The following CRB1 variants were observed in gnomAD, a reference collection of about 807,000 sequenced individuals.
CRB1 encodes crumbs cell polarity complex component 1.
Under a neutral mutation model 120.0 loss-of-function variants are expected in CRB1, and 83 were observed. That is an observed-to-expected ratio of 0.69 (90% CI 0.58 to 0.83). The LOEUF (loss-of-function observed/expected upper bound fraction) is 0.83, where lower values mean the gene tolerates loss of function less well. Ranked by LOEUF, CRB1 falls within the 40% of genes least tolerant of loss-of-function variation. The pLI is 0.00. For synonymous variants in CRB1, 625 were observed against 612.5 expected (o/e 1.02, Z -0.30); for missense variants, 1,699 against 1,687.6 (o/e 1.01, Z -0.12).
At chr1:197,461,651 C>T (rs899027787) in intron 11 of CRB1, among the ~76,000 whole-genome samples, 2 of 152,118 alleles carry the variant, frequency 1.3e-5, no homozygotes, top group Admixed American at 6.6e-5. Context: ...TTACTCATTC[C>T]ATTGATCAGA....
At chr1:197,362,132 T>TC (rs1660801894) in intron 5 of CRB1, among the ~76,000 whole-genome samples, 1 of 152,094 alleles carries the variant, frequency 6.6e-6, no homozygotes, top group Non-Finnish European at 1.5e-5. Context: ...TTGTTTAATT[T>TC]CTGTTTAGAA....
chr1:197,424,838 G>A (rs564853140), intron 6 of CRB1, among the ~76,000 whole-genome samples: 2 of 152,126 alleles, frequency 1.3e-5, no homozygotes, highest in South Asian at 4.1e-4. Flanking sequence ...TTTTTTATCT[G>A]TATGTGTTGT....
intron 11 of CRB1, among the ~76,000 whole-genome samples, chr1:197,445,268 T>G (rs1665648367): frequency 1.3e-5 from 2 of 152,218 alleles, no homozygotes; most frequent in African/African-American, 4.8e-5. Context: ...TTTTCAGATT[T>G]AACATTAAAC....
intron 11 of CRB1, among the ~76,000 whole-genome samples, chr1:197,458,508 A>C (rs1275290617): frequency 1.3e-5 from 2 of 152,082 alleles, no homozygotes; most frequent in African/African-American, 4.8e-5. Flanking sequence ...AGCCACCTTC[A>C]TCTGCAATAA....
chr1:197,304,219 C>A (rs991297993), intron 1 of CRB1, among the ~76,000 whole-genome samples: 18 of 151,926 alleles, frequency 1.2e-4, no homozygotes, highest in Non-Finnish European at 2.9e-5. Flanking sequence ...GCACATCTCT[C>A]AAAAATGGAA....
chr1:197,355,087 G>C (rs1660389917), intron 4 of CRB1, among the ~76,000 whole-genome samples: 1 of 151,502 alleles, frequency 6.6e-6, no homozygotes, highest in African/African-American at 2.4e-5. Flanking sequence ...CACAAACCTT[G>C]AGCTAGACAC....
intron 5 of CRB1, among the ~76,000 whole-genome samples, chr1:197,382,851 A>G (rs541407952): frequency 6.6e-6 from 1 of 152,292 alleles, no homozygotes; most frequent in Admixed American, 6.5e-5. Flanking sequence ...GGAAGGAGAG[A>G]GACAAGAAAG....
the CRB1 span, chr1:197,222,477 C>G: frequency 1.3e-6 from 1 of 768,982 alleles, no homozygotes; most frequent in East Asian, 2.4e-5. Flanking sequence ...GGCTCTACCA[C>G]CAGGCAGTGT....
the CRB1 span, among the ~76,000 whole-genome samples, chr1:197,208,752 C>G: frequency 2.0e-5 from 3 of 152,312 alleles, no homozygotes; most frequent in South Asian, 6.2e-4. Context: ...AGGATACAAA[C>G]TTGCCCTAGG....
In CRB1 at chr1:197,405,556, A is replaced by G. The variant is rs1273724112; in HGVS notation, c.1172-15444A>G. 3.6e-5 allele frequency among the ~76,000 whole-genome samples: 5 copies of G among 140,114 alleles called. No individual in the cohort carries two copies. In the East Asian group the frequency reaches 6.5e-4, roughly 18 times the overall value. 91.9% of individuals were successfully genotyped at this position (140,114 alleles called of 152,430 possible). On this transcript the variant is annotated intron_variant, in intron 5 of 11. Coordinates refer to ENST00000367400, the MANE Select transcript of CRB1 (RefSeq NM_201253.3). The stretch of plus-strand genomic sequence containing the variant: ...CCGCCCATCGTCTGGGACGTGAGGA[A>G]CCCCTCTGCCTGGCTTGCCCAGTCT...
rs1665086143 is a variant in CRB1, at chr1:197,435,192, T to G, written c.3329T>G (p.Phe1110Cys). The change falls in exon 9 of 12, where the codon TTT becomes TGT. Residue 1110 changes from phenylalanine to cysteine, a missense_variant. By Grantham distance (205) the Phe-to-Cys change is radical. Coordinates refer to ENST00000367400, the MANE Select transcript of CRB1 (RefSeq NM_201253.3). ...IEIGGIYLSY[F>C]ENVHGFINKP... ...ATCGGAGGCATTTATCTCTCTTACT[T>G]TGAAAATGTTCATGGTTTCATTAAT... 2 of 1,613,936 alleles carry G rather than the reference T, an allele frequency of 1.2e-6. No homozygotes were observed. Among genetic ancestry groups the G allele is most frequent in the Non-Finnish European group, 1.7e-6 (2 of 1,179,858 alleles).
chr1:197,467,812 C>G (rs1666814058), intron 11 of CRB1, among the ~76,000 whole-genome samples: 1 of 152,170 alleles, frequency 6.6e-6, no homozygotes, highest in Non-Finnish European at 1.5e-5. Flanking sequence ...AATAATGAAG[C>G]TACTATGTTG....
intron 1 of CRB1, 21 bp downstream of exon 1, chr1:197,268,503 G>T: frequency 6.4e-7 from 1 of 1,557,250 alleles, no homozygotes; most frequent in Non-Finnish European, 8.9e-7. Context: ...CCCACTTTGG[G>T]CATTTTTCCT....
chr1:197,356,014 A>C (rs1391677117), intron 4 of CRB1, among the ~76,000 whole-genome samples: 1 of 152,258 alleles, frequency 6.6e-6, no homozygotes, highest in East Asian at 1.9e-4. Flanking sequence ...CAAAGGTTAA[A>C]CTGTAAGACA....
At chr1:197,355,734 C>T (rs145411388) in intron 4 of CRB1, among the ~76,000 whole-genome samples, 108 of 152,316 alleles carry the variant, frequency 7.1e-4, no homozygotes, top group Middle Eastern at 3.4e-3. Context: ...CACGCAGCCC[C>T]GCAAGCGCCC....
At chr1:197,308,913 TATATATGTGGGTATATATAC>T (rs1247033149) in intron 1 of CRB1, among the ~76,000 whole-genome samples, 4 of 150,160 alleles carry the variant, frequency 2.7e-5, no homozygotes, top group Non-Finnish European at 1.5e-5. Context: ...TATGTGGGTA[TATATATGTGGGTATATATAC>T]ATATATGTGG....
chr1:197,343,269 G>A (rs1659575670), intron 2 of CRB1, among the ~76,000 whole-genome samples: 2 of 151,986 alleles, frequency 1.3e-5, no homozygotes, highest in African/African-American at 4.8e-5. Context: ...ATTATTTGGG[G>A]TTAGAAACAA....
At chr1:197,256,804 T>TTA in the CRB1 span, among the ~76,000 whole-genome samples, 45 of 142,194 alleles carry the variant, frequency 3.2e-4, no homozygotes, top group African/African-American at 1.2e-3. Flanking sequence ...TAAAGTATAA[T>TTA]AAAAAAAAAG....
chr1:197,362,949 TTCTC>T (rs1231684258), intron 5 of CRB1, among the ~76,000 whole-genome samples: 1 of 152,140 alleles, frequency 6.6e-6, no homozygotes, highest in Non-Finnish European at 1.5e-5. Context: ...ATTCCTTTCT[TTCTC>T]TTTACTTCCT....
Sources: allele counts gnomAD v4.1 joint callset (sites outside exome capture counted in the v4.1 genomes callset), GRCh38; gene constraint gnomAD v4.1.1; transcripts MANE v1.5; gene names NCBI Gene and HGNC (gene_info 2026-07-23, HGNC 2026-07-21).